CCSER1: variants seen among roughly 807,000 people sequenced by gnomAD.
CCSER1 encodes coiled-coil serine rich protein 1, also known as serine-rich coiled-coil domain-containing protein 1.
A neutral mutation model predicts 82.0 loss-of-function variants in CCSER1; 41 were observed. The ratio of observed to expected loss-of-function variants is 0.50; its 90% CI spans 0.39 to 0.65. The LOEUF (loss-of-function observed/expected upper bound fraction) is 0.65. CCSER1 is among the 30% of genes least tolerant of loss of function. CCSER1 has a pLI of 0.00. For missense variants in CCSER1, 1,119 were observed against 1,064.2 expected (o/e 1.05, Z -0.72); for synonymous variants, 414 against 383.9 (o/e 1.08, Z -0.92).
chr4:90,207,408 G>T (rs1438521343), intron 1 of CCSER1, among the ~76,000 whole-genome samples: 2 of 151,958 alleles, frequency 1.3e-5, no homozygotes, highest in South Asian at 4.2e-4. Flanking sequence ...CTTTTTTCAA[G>T]GTTCTTAGCT....
At position 91,599,006 on chromosome 4, in the gene CCSER1, C is replaced by T; in HGVS notation, c.2652C>T (p.His884=). ...ACAGCAGGAAGAATGTGTTTCTCCA[C>T]CACAATTTACACAGCACTGAGCTGC... ...HMYSRKNVFL[H]HNLHSTELQT... is the part of the protein sequence containing the mutation. Residue 884 remains histidine (H), a synonymous_variant, in exon 11 of 11, where the codon CAC becomes CAT. Coordinates refer to ENST00000509176, the MANE Select transcript of CCSER1 (RefSeq NM_001145065.2). The T allele has an allele frequency of 1.3e-6, 2 of 1,551,406 alleles. No homozygotes were observed. The highest frequency in any genetic ancestry group is 1.7e-6 in the Non-Finnish European group (2 of 1,146,820).
At chr4:90,377,729 GTAACTCAATGTAA>G (rs1365054940) in intron 3 of CCSER1, among the ~76,000 whole-genome samples, 1 of 152,018 alleles carries the variant, frequency 6.6e-6, no homozygotes, top group African/African-American at 2.4e-5. Context: ...GAAACCCCAT[GTAACTCAATGTAA>G]TATTTCATAA....
chr4:90,451,349 T>C (rs919690013), intron 4 of CCSER1, among the ~76,000 whole-genome samples: 7 of 152,164 alleles, frequency 4.6e-5, no homozygotes, highest in African/African-American at 1.7e-4. Flanking sequence ...GGCATATGGG[T>C]GAAATCCATC....
chr4:90,537,715 T>C (rs1488055080), intron 5 of CCSER1, among the ~76,000 whole-genome samples: 5 of 152,194 alleles, frequency 3.3e-5, no homozygotes, highest in Admixed American at 2.0e-4. Context: ...CACTTTTATC[T>C]ACTGGGGTTT....
intron 10 of CCSER1, among the ~76,000 whole-genome samples, chr4:91,524,931 C>T (rs1760697024): frequency 6.6e-6 from 1 of 151,938 alleles, no homozygotes. Flanking sequence ...TGTTTCTTGA[C>T]AGAATACATA....
At chr4:91,089,833 G>T (rs1407264208) in intron 10 of CCSER1, among the ~76,000 whole-genome samples, 3 of 152,088 alleles carry the variant, frequency 2.0e-5, no homozygotes, top group African/African-American at 7.2e-5. Flanking sequence ...CTTTAAATAT[G>T]TCTTCAACTA....
chr4:91,382,742 G>A (rs1751003457), intron 10 of CCSER1, among the ~76,000 whole-genome samples: 1 of 152,136 alleles, frequency 6.6e-6, no homozygotes, highest in African/African-American at 2.4e-5. Context: ...AAGCCCCAGT[G>A]AGATGAACCT....
At chr4:90,299,456 A>G (rs572206393) in intron 1 of CCSER1, among the ~76,000 whole-genome samples, 1 of 152,278 alleles carries the variant, frequency 6.6e-6, no homozygotes, top group African/African-American at 2.4e-5. Context: ...TGTTAATTAA[A>G]CATATCTAAT....
chr4:90,271,264 C>T (rs995341058), intron 1 of CCSER1, among the ~76,000 whole-genome samples: 1 of 152,220 alleles, frequency 6.6e-6, no homozygotes, highest in Non-Finnish European at 1.5e-5. Context: ...GTAAACAAAA[C>T]TGCATGGCAC....
At chr4:90,628,004 T>A (rs770705955) in intron 5 of CCSER1, 21 bp from the exon 6 acceptor site, 4 of 1,534,060 alleles carry the variant, frequency 2.6e-6, no homozygotes, top group Non-Finnish European at 3.5e-6. Context: ...TAATTTTTGT[T>A]CTTTTTTTTT....
chr4:91,196,377 T>TA (rs536659119), intron 10 of CCSER1, among the ~76,000 whole-genome samples: 93 of 148,164 alleles, frequency 6.3e-4, no homozygotes, highest in African/African-American at 1.5e-3. Flanking sequence ...TAAGGAAGAG[T>TA]AAAAAAAAAA....
At chr4:90,586,842 A>G (rs920830642) in intron 5 of CCSER1, among the ~76,000 whole-genome samples, 5 of 152,242 alleles carry the variant, frequency 3.3e-5, no homozygotes, top group Non-Finnish European at 7.3e-5. Context: ...ATGATGCTGT[A>G]GTAGGCAGAA....
intron 10 of CCSER1, among the ~76,000 whole-genome samples, chr4:91,503,717 TA>T (rs941354662): frequency 2.0e-5 from 3 of 152,226 alleles, no homozygotes; most frequent in South Asian, 2.1e-4. Flanking sequence ...AATATGTGCG[TA>T]AAAAAACTTT....
intron 10 of CCSER1, among the ~76,000 whole-genome samples, chr4:91,119,844 A>G (rs1387125822): frequency 1.3e-5 from 2 of 152,072 alleles, no homozygotes; most frequent in Admixed American, 6.6e-5. Context: ...TGTGTAAAGC[A>G]TATTTTTTAA....
At chr4:90,478,223 C>G (rs1560579606) in intron 5 of CCSER1, among the ~76,000 whole-genome samples, 1 of 152,112 alleles carries the variant, frequency 6.6e-6, no homozygotes, top group East Asian at 1.9e-4. Context: ...AAAGGGTTCC[C>G]CTGATTGATG....
chr4:90,858,728 A>G (rs1478881281), intron 8 of CCSER1, among the ~76,000 whole-genome samples: 1 of 151,930 alleles, frequency 6.6e-6, no homozygotes, highest in East Asian at 1.9e-4. Flanking sequence ...ATACCATAAT[A>G]TAATTTAGAA....
intron 10 of CCSER1, among the ~76,000 whole-genome samples, chr4:91,244,638 C>T (rs115174746): frequency 0.02 from 3,074 of 152,260 alleles, 50 homozygotes; most frequent in South Asian, 0.062. Flanking sequence ...TACCCAAGTC[C>T]CTTCAACTCC....
chr4:90,193,793 G>T (rs915565647), intron 1 of CCSER1, among the ~76,000 whole-genome samples: 1 of 151,986 alleles, frequency 6.6e-6, no homozygotes, highest in Non-Finnish European at 1.5e-5. Flanking sequence ...TTAAAACATA[G>T]ATGAAGAAAA....
intron 10 of CCSER1, among the ~76,000 whole-genome samples, chr4:91,380,810 G>C (rs577862256): frequency 1.3e-5 from 2 of 152,240 alleles, no homozygotes; most frequent in South Asian, 4.2e-4. Context: ...TGGTTATTTT[G>C]CTCCTTAGTT....
Sources: allele counts gnomAD v4.1 joint callset (sites outside exome capture counted in the v4.1 genomes callset), GRCh38; gene constraint gnomAD v4.1.1; transcripts MANE v1.5; gene names NCBI Gene and HGNC (gene_info 2026-07-23, HGNC 2026-07-21).